FHAD1: variants seen among roughly 807,000 people sequenced by gnomAD.
FHAD1 encodes the protein forkhead associated phosphopeptide binding domain 1.
In FHAD1, 146 loss-of-function variants were observed where a neutral mutation model predicts 191.3. That is an observed-to-expected ratio of 0.76 (90% confidence interval 0.67 to 0.88). FHAD1 has a LOEUF of 0.88. Among genes scored for constraint, FHAD1 ranks in the 40% least tolerant of loss-of-function variants. The pLI is 0.00. For missense variants in FHAD1, 1,635 were observed against 1,785.8 expected (o/e 0.92, Z 1.52); for synonymous variants, 616 against 672.3 (o/e 0.92, Z 1.29).
intron 21 of FHAD1, among the ~76,000 whole-genome samples, chr1:15,358,980 G>A (rs186990799): frequency 6.6e-6 from 1 of 152,238 alleles, no homozygotes; most frequent in Non-Finnish European, 1.5e-5. Flanking sequence ...GGAGTCTCTG[G>A]AGAGAGTTAC....
At chr1:15,283,924 G>A (rs2100356535) in intron 3 of FHAD1, among the ~76,000 whole-genome samples, 1 of 152,330 alleles carries the variant, frequency 6.6e-6, no homozygotes, top group Middle Eastern at 3.4e-3. Flanking sequence ...TGGAAAGCAA[G>A]TGCAAATCAT....
chr1:15,315,244 T>A (rs530321507), intron 8 of FHAD1: 2 of 152,262 alleles, frequency 1.3e-5, no homozygotes, highest in East Asian at 3.9e-4. Context: ...CGCCAAGAAA[T>A]CTATGTCAGT....
chr1:15,320,647 A>G (rs1381874611), intron 10 of FHAD1, among the ~76,000 whole-genome samples: 1 of 152,140 alleles, frequency 6.6e-6, no homozygotes, highest in African/African-American at 2.4e-5. Flanking sequence ...AGTCTTTGTC[A>G]TTAAGGTAGC....
rs1014165261 is a variant in FHAD1 at position 15,311,144 on chromosome 1, G to C, written c.1040-1913G>C. On this transcript the variant is annotated intron_variant, in intron 7 of 33. Coordinates refer to ENST00000688493, the MANE Select transcript of FHAD1 (RefSeq NM_001391957.1). The surrounding 1 kb of genome is among the most constrained non-coding windows in gnomAD (Gnocchi z 4.1). Reference sequence around the variant, plus strand: ...GAGTTTCCAGACCACAGCAGGGAGGGGAAGCCAGACAGAGCCCAGTGGTCA... The same window carrying C: ...GAGTTTCCAGACCACAGCAGGGAGGCGAAGCCAGACAGAGCCCAGTGGTCA... Among the ~76,000 whole-genome samples the C allele has an allele frequency of 2.6e-5, 4 of 152,184 alleles. No homozygotes were observed. Among genetic ancestry groups the C allele is most frequent in the African/African-American group, 9.6e-5 (4 of 41,464 alleles).
chr1:15,265,031 C>A (rs558532045), intron 2 of FHAD1, among the ~76,000 whole-genome samples: 1 of 152,310 alleles, frequency 6.6e-6, no homozygotes, highest in Admixed American at 6.5e-5. Flanking sequence ...CCCACTTGGT[C>A]ATGGTGTATA....
chr1:15,253,934 T>C (rs1056749731), intron 2 of FHAD1, among the ~76,000 whole-genome samples: 1 of 152,214 alleles, frequency 6.6e-6, no homozygotes, highest in African/African-American at 2.4e-5. Context: ...TTATATTAAC[T>C]GTAGGGTTTT....
intron 2 of FHAD1, among the ~76,000 whole-genome samples, chr1:15,261,798 A>G (rs1651189323): frequency 6.6e-6 from 1 of 152,170 alleles, no homozygotes; most frequent in Admixed American, 6.5e-5. Flanking sequence ...AGGCAGTGAC[A>G]GGGGTCACAG....
chr1:15,343,512 T>G (rs77897041), intron 16 of FHAD1, among the ~76,000 whole-genome samples: 1,830 of 152,232 alleles, frequency 0.012, 34 homozygotes, highest in African/African-American at 0.042. Context: ...CCTCTCCCTC[T>G]TTCATCTCCA....
At position 15,341,883 on chromosome 1, in the gene FHAD1, A is replaced by T; in HGVS notation, c.2125A>T (p.Lys709Ter). The T allele has an allele frequency of 6.4e-7, 1 of 1,551,074 alleles. No homozygotes were observed. The highest frequency in any genetic ancestry group is 8.7e-7 in the Non-Finnish European group (1 of 1,146,700). The change falls in exon 16 of 34, where the codon AAG (lysine) becomes TAG (stop). Residue 709 changes from lysine to a stop codon, truncating the protein, a stop_gained. Coordinates refer to ENST00000688493, the MANE Select transcript of FHAD1 (RefSeq NM_001391957.1). LOFTEE classifies it high-confidence loss of function. ...KAKIRQLTEE[K>*]AALEEYITQE... ...CAAAATCAGGCAACTGACGGAAGAG[A>T]AGGCGGTAAGGTGGTCCCTGCCATT...
At chr1:15,363,771 A>C in intron 23 of FHAD1, 1 of 456,394 alleles carries the variant, frequency 2.2e-6, no homozygotes, top group South Asian at 1.5e-5. Flanking sequence ...TCCTCAAAGA[A>C]CTGACAGTTT....
At chr1:15,256,645 CAAAAAAAAAAAA>C (rs34598860) in intron 2 of FHAD1, among the ~76,000 whole-genome samples, 5,236 of 71,344 alleles carry the variant, frequency 0.073, 201 homozygotes, top group South Asian at 0.2. Context: ...AGACTCTGTC[CAAAAAAAAAAAA>C]AAAAAAAAAA....
intron 2 of FHAD1, among the ~76,000 whole-genome samples, chr1:15,252,874 G>A (rs2479073): frequency 0.29 from 44,361 of 152,186 alleles, 7,515 homozygotes; most frequent in Non-Finnish European, 0.39. Flanking sequence ...AATAAAAACA[G>A]TGGATTTGAG....
intron 2 of FHAD1, among the ~76,000 whole-genome samples, chr1:15,267,581 C>T (rs1162169156): frequency 6.6e-6 from 1 of 151,904 alleles, no homozygotes; most frequent in East Asian, 1.9e-4. Context: ...CCATCTGGGC[C>T]TGGTGCTTTC....
upstream of FHAD1, among the ~76,000 whole-genome samples, chr1:15,245,253 CA>C (rs1468826327): frequency 1.3e-5 from 2 of 152,044 alleles, no homozygotes; most frequent in African/African-American, 4.8e-5. Flanking sequence ...TAGCAAGTGG[CA>C]AAAAGAAGGG....
intron 1 of FHAD1, among the ~76,000 whole-genome samples, chr1:15,241,906 G>A (rs1645418753): frequency 6.6e-6 from 1 of 152,098 alleles, no homozygotes; most frequent in Non-Finnish European, 1.5e-5. Context: ...GAGACAAAAT[G>A]TATATTTTCA....
intron 14 of FHAD1, among the ~76,000 whole-genome samples, chr1:15,333,525 T>C (rs1682613404): frequency 6.6e-6 from 1 of 152,128 alleles, no homozygotes; most frequent in African/African-American, 2.4e-5. Context: ...ATTTTCCTCA[T>C]TTTAGAAATG....
intron 20 of FHAD1, among the ~76,000 whole-genome samples, chr1:15,357,554 C>T (rs1257267499): frequency 1.4e-5 from 2 of 139,624 alleles, no homozygotes; most frequent in Admixed American, 7.9e-5. Flanking sequence ...ACCTGGGAGG[C>T]GGAGGTTGCA....
At position 15,329,498 on chromosome 1, in the gene FHAD1, G is replaced by C. The variant is rs1680345149; in HGVS notation, c.1863G>C (p.Gln621His). 6.4e-7 allele frequency: 1 copy of C among 1,550,920 alleles called. No individual in the cohort carries two copies. The highest frequency in any genetic ancestry group is 1.4e-5 in the African/African-American group (1 of 73,042). Residue 621 changes from glutamine (Q) to histidine (H), a missense_variant, in exon 14 of 34, where the codon CAG becomes CAC. By Grantham distance (24) the Gln-to-His change is conservative. Coordinates refer to ENST00000688493, the MANE Select transcript of FHAD1 (RefSeq NM_001391957.1). This position sits in a 1 kb window ranked among gnomAD's most constrained non-coding sequence, Gnocchi z 5.0. ...HALSWLEEVEQLLRDLGILPS... is the reference protein window; with the variant it reads ...HALSWLEEVEHLLRDLGILPS... ...TGTCCTGGCTGGAGGAGGTGGAGCA[G>C]CTCCTCCGGGACCTCGGGATCCTGC...
rs1699057211 is a variant in FHAD1 at position 15,374,689 on chromosome 1, G to A, written c.3577+58G>A. 1.9e-6 allele frequency: 3 copies of A among 1,539,662 alleles called. 1 individual carries two copies. The East Asian group carries it at 7.4e-5, about 38-fold the overall frequency. ...ACCCCAGACTCCGGCTCACTTTGGG[G>A]ACTGACCAGTTTGCCAGGACTACCA... On this transcript the variant is annotated intron_variant, in intron 27 of 33. Transcript: ENST00000688493.
Sources: allele counts gnomAD v4.1 joint callset (sites outside exome capture counted in the v4.1 genomes callset), GRCh38; gene constraint gnomAD v4.1.1; non-coding constraint Gnocchi (gnomAD v3.1); transcripts MANE v1.5; gene names NCBI Gene and HGNC (gene_info 2026-07-23, HGNC 2026-07-21).